PTPRT: variants seen among roughly 807,000 people sequenced by gnomAD.
PTPRT encodes protein tyrosine phosphatase receptor type T.
A neutral mutation model predicts 176.8 loss-of-function variants in PTPRT; 56 were observed. That is an observed-to-expected ratio of 0.32 (90% CI 0.26 to 0.40). PTPRT has a LOEUF of 0.40. Ranked by LOEUF, PTPRT falls within the 10% of genes least tolerant of loss-of-function variation. The pLI is 1.00. For synonymous variants in PTPRT, 783 were observed against 739.0 expected (o/e 1.06, Z -0.96); for missense variants, 1,540 against 1,908.2 (o/e 0.81, Z 3.60).
intron 16 of PTPRT, among the ~76,000 whole-genome samples, chr20:42,168,071 A>G (rs772608747): frequency 6.6e-6 from 1 of 152,236 alleles, no homozygotes; most frequent in Non-Finnish European, 1.5e-5. Context: ...TGAGAAAATC[A>G]TAAGGAAGAG....
chr20:42,705,365 G>C (rs2076037934), intron 6 of PTPRT, among the ~76,000 whole-genome samples: 1 of 149,788 alleles, frequency 6.7e-6, no homozygotes, highest in South Asian at 2.1e-4. Context: ...GTTCTTATAG[G>C]TTTGGGATAG....
At position 42,178,041 on chromosome 20, in the gene PTPRT, G is replaced by A. The variant is rs193168452; in HGVS notation, c.2492-16499C>T. Among the ~76,000 whole-genome samples, 13 of 152,022 alleles carry A rather than the reference G, an allele frequency of 8.6e-5. No homozygotes were observed. The East Asian group carries it at 1.2e-3, about 14-fold the overall frequency. ...CAACCTCTGCCACCTGGGTTCAAGCGACTCTCCTGCCTCAGCCTCCCAAGT... is the reference window on the plus strand; with the variant it reads ...CAACCTCTGCCACCTGGGTTCAAGCAACTCTCCTGCCTCAGCCTCCCAAGT... On this transcript the variant is annotated intron_variant, in intron 16 of 30. Transcript: ENST00000373187.
chr20:42,722,286 C>T (rs983686716), intron 6 of PTPRT, among the ~76,000 whole-genome samples: 1 of 152,152 alleles, frequency 6.6e-6, no homozygotes, highest in Non-Finnish European at 1.5e-5. Context: ...AAGATTTACC[C>T]ATGCCCACTG....
At chr20:42,969,534 G>A (rs957865546) in intron 1 of PTPRT, 1 of 152,182 alleles carries the variant, frequency 6.6e-6, no homozygotes, top group African/African-American at 2.4e-5. Context: ...ATGAACTATG[G>A]AATGTGCTAG....
chr20:42,848,742 T>C (rs966412933), intron 2 of PTPRT, among the ~76,000 whole-genome samples: 3 of 152,204 alleles, frequency 2.0e-5, no homozygotes, highest in African/African-American at 7.2e-5. Flanking sequence ...ATGGCAAAAT[T>C]TCTCTCCCAT....
the PTPRT span, among the ~76,000 whole-genome samples, chr20:42,066,278 G>T: frequency 2.6e-5 from 4 of 151,970 alleles, no homozygotes; most frequent in African/African-American, 9.7e-5. Flanking sequence ...CTGACCTCAG[G>T]TGATCTGCCC....
intron 9 of PTPRT, among the ~76,000 whole-genome samples, chr20:42,426,815 C>A (rs2059168568): frequency 6.6e-6 from 1 of 152,092 alleles, no homozygotes; most frequent in African/African-American, 2.4e-5. Context: ...GTCAGGGAAC[C>A]CTCTTGTTTC....
intron 1 of PTPRT, among the ~76,000 whole-genome samples, chr20:42,956,317 C>A (rs531163225): frequency 3.2e-4 from 48 of 152,248 alleles, no homozygotes; most frequent in African/African-American, 1.1e-3. Flanking sequence ...TTCAGCACCT[C>A]CTTTTGGTGC....
chr20:42,708,545 G>A lies in PTPRT; in HGVS notation c.860-30386C>T, dbSNP rs183498719. On this transcript the variant is annotated intron_variant, in intron 6 of 30. Coordinates refer to ENST00000373187, the MANE Select transcript of PTPRT (RefSeq NM_007050.6). ...CCCAAGAGAAAGAAACATAGACACC[G>A]TATACTTGGGGCTAAAATTGCAGCT... 1.6e-4 allele frequency among the ~76,000 whole-genome samples: 24 copies of A among 152,246 alleles called. 1 individual carries two copies. The highest frequency in any genetic ancestry group is 6.5e-5 in the Admixed American group (1 of 15,288).
chr20:42,492,654 T>C (rs1169982817), intron 7 of PTPRT, among the ~76,000 whole-genome samples: 1 of 152,216 alleles, frequency 6.6e-6, no homozygotes, highest in Non-Finnish European at 1.5e-5. Flanking sequence ...AAAGTGTTGT[T>C]TAGTAACATG....
At chr20:42,835,173 T>C (rs1344404570) in intron 2 of PTPRT, among the ~76,000 whole-genome samples, 1 of 152,178 alleles carries the variant, frequency 6.6e-6, no homozygotes, top group Non-Finnish European at 1.5e-5. Flanking sequence ...CTTCTAGGCA[T>C]GTAAATTCAA....
At chr20:42,708,861 A>T (rs535217210) in intron 6 of PTPRT, among the ~76,000 whole-genome samples, 2 of 152,300 alleles carry the variant, frequency 1.3e-5, no homozygotes, top group Admixed American at 6.5e-5. Context: ...ACCCATGCCT[A>T]CCTCCATAGG....
chr20:42,599,119 G>A (rs550552471), intron 7 of PTPRT, among the ~76,000 whole-genome samples: 84 of 152,260 alleles, frequency 5.5e-4, no homozygotes, highest in African/African-American at 1.5e-3. Context: ...CAGATGCACC[G>A]GAAGTGGAAA....
chr20:42,062,566 A>C, the PTPRT span, among the ~76,000 whole-genome samples: 2 of 152,176 alleles, frequency 1.3e-5, no homozygotes, highest in Non-Finnish European at 2.9e-5. Flanking sequence ...CATCATGCAC[A>C]TTTAATCCCC....
At chr20:43,167,908 A>G (rs903857112) in intron 1 of PTPRT, among the ~76,000 whole-genome samples, 37 of 152,244 alleles carry the variant, frequency 2.4e-4, no homozygotes, top group African/African-American at 8.4e-4. Flanking sequence ...CCTTGACTAC[A>G]GCCTTATGAC....
At chr20:42,505,100 C>A (rs2071821008) in intron 7 of PTPRT, among the ~76,000 whole-genome samples, 1 of 152,114 alleles carries the variant, frequency 6.6e-6, no homozygotes, top group African/African-American at 2.4e-5. Flanking sequence ...CCCTTTCTTT[C>A]CCCTCTTTTA....
chr20:42,193,757 T>C (rs1232937194), intron 16 of PTPRT, among the ~76,000 whole-genome samples: 3 of 152,236 alleles, frequency 2.0e-5, no homozygotes, highest in Non-Finnish European at 4.4e-5. Flanking sequence ...CAAAGTGGAA[T>C]TTAAAATTAT....
At chr20:42,104,177 A>G (rs1354100261) in intron 25 of PTPRT, among the ~76,000 whole-genome samples, 1 of 152,206 alleles carries the variant, frequency 6.6e-6, no homozygotes, top group Non-Finnish European at 1.5e-5. Context: ...TTATAAGAAG[A>G]AACATGTAGG....
intron 9 of PTPRT, among the ~76,000 whole-genome samples, chr20:42,438,955 A>C (rs2059287589): frequency 6.6e-6 from 1 of 152,260 alleles, no homozygotes; most frequent in Admixed American, 6.5e-5. Flanking sequence ...GCGACCAGGT[A>C]CATAAATGCA....
Sources: gnomAD v4.1 joint callset for allele counts (sites outside exome capture counted in the v4.1 genomes callset) on GRCh38, gnomAD v4.1.1 for gene constraint, MANE v1.5 for transcripts, NCBI Gene and HGNC (gene_info 2026-07-23, HGNC 2026-07-21) for gene names.